ZFP90: variants seen among roughly 807,000 people sequenced by gnomAD.
ZFP90 encodes the protein zinc finger protein 90 homolog.
In ZFP90, 38 loss-of-function variants were observed where a neutral mutation model predicts 60.8. The ratio of observed to expected loss-of-function variants is 0.62; its 90% CI spans 0.48 to 0.82. The LOEUF is 0.82. Ranked by LOEUF, ZFP90 falls within the 40% of genes least tolerant of loss-of-function variation. The pLI is 0.00. For synonymous variants in ZFP90, 287 were observed against 264.8 expected, an observed-to-expected ratio of 1.08 and a Z score of -0.82; for missense variants, 711 against 759.1, an observed-to-expected ratio of 0.94 and a Z score of 0.74.
At chr16:68,575,535 C>CAAAAAAAAAAAAAA (rs34872149) in intron 2 of ZFP90, among the ~76,000 whole-genome samples, 1 of 82,398 alleles carries the variant, frequency 1.2e-5, no homozygotes, top group African/African-American at 4.0e-5. Context: ...TGTGAGTATG[C>CAAAAAAAAAAAAAA]AAAAAAAAAA....
At chr16:68,538,137 C>G (rs895292337), upstream of ZFP90, among the ~76,000 whole-genome samples, 28 of 152,074 alleles carry the variant, frequency 1.8e-4, no homozygotes, top group African/African-American at 5.3e-4. Flanking sequence ...GTCTCGAACT[C>G]CTGACCTCAG....
chr16:68,540,165 A>G (rs2091015818), intron 2 of ZFP90, among the ~76,000 whole-genome samples: 1 of 152,026 alleles, frequency 6.6e-6, no homozygotes, highest in Admixed American at 6.6e-5. Context: ...AGGATGGAAC[A>G]CTGTAGAGGA....
intron 2 of ZFP90, chr16:68,574,157 T>C (rs1353065967): frequency 7.7e-6 from 1 of 129,550 alleles, no homozygotes; most frequent in African/African-American, 3.0e-5. Flanking sequence ...CTGGACAAAG[T>C]GCGGATAAGT....
chr16:68,553,690 C>T (rs2091296927), intron 2 of ZFP90, among the ~76,000 whole-genome samples: 1 of 152,174 alleles, frequency 6.6e-6, no homozygotes, highest in South Asian at 2.1e-4. Context: ...GTCATCGTGG[C>T]TCACTGTAGC....
At chr16:68,541,634 TTC>T (rs1323090167) in intron 2 of ZFP90, among the ~76,000 whole-genome samples, 1 of 152,136 alleles carries the variant, frequency 6.6e-6, no homozygotes, top group Admixed American at 6.5e-5. Flanking sequence ...TATTATATGT[TTC>T]TGTTTTTACA....
At chr16:68,559,473 A>G (rs2091401390) in intron 4 of ZFP90, among the ~76,000 whole-genome samples, 1 of 152,072 alleles carries the variant, frequency 6.6e-6, no homozygotes, top group South Asian at 2.1e-4. Context: ...ATTTCAACCC[A>G]GGTTGTTTTC....
intron 2 of ZFP90, among the ~76,000 whole-genome samples, chr16:68,548,474 C>CTTTTTTTTTTTTTT (rs551779570): frequency 1.2e-5 from 1 of 81,046 alleles, no homozygotes; most frequent in Non-Finnish European, 2.1e-5. Flanking sequence ...GTTTATCCTC[C>CTTTTTTTTTTTTTT]TTTTTTTTTT....
At chr16:68,546,919 A>G (rs1306147614) in intron 2 of ZFP90, among the ~76,000 whole-genome samples, 3 of 152,240 alleles carry the variant, frequency 2.0e-5, no homozygotes, top group Non-Finnish European at 4.4e-5. Context: ...TAAAGGCTGA[A>G]TACAGTGCTT....
At chr16:68,559,387 A>G (rs966915201) in intron 4 of ZFP90, among the ~76,000 whole-genome samples, 1 of 152,008 alleles carries the variant, frequency 6.6e-6, no homozygotes, top group African/African-American at 2.4e-5. Flanking sequence ...CCTATTTCTC[A>G]TTTCTACCCT....
At chr16:68,559,941 T>G (rs1645937) in intron 4 of ZFP90, among the ~76,000 whole-genome samples, 88,270 of 151,762 alleles carry the variant, frequency 0.58, 26,200 homozygotes, top group East Asian at 0.82. Flanking sequence ...CTATCACAGC[T>G]CCCTGCAGCC....
chr16:68,573,978 G>A (rs2091580545), intron 2 of ZFP90: 1 of 141,776 alleles, frequency 7.1e-6, no homozygotes, highest in South Asian at 2.5e-4. Flanking sequence ...GTACAAGCTT[G>A]GCTGCGTGCC....
chr16:68,558,212 CTG>C (rs759986479), intron 3 of ZFP90, 88 bp downstream of exon 3: 42 of 1,571,376 alleles, frequency 2.7e-5, no homozygotes, highest in Non-Finnish European at 3.3e-5. Flanking sequence ...GCTTAGGTAA[CTG>C]TGACCAGGGT....
upstream of ZFP90, among the ~76,000 whole-genome samples, chr16:68,538,536 T>C (rs1873121557): frequency 6.6e-6 from 1 of 151,990 alleles, no homozygotes; most frequent in Non-Finnish European, 1.5e-5. Flanking sequence ...AACCTGTCTC[T>C]ACTAAATATA....
chr16:68,568,613 A>G (rs1474794548), downstream of ZFP90, among the ~76,000 whole-genome samples: 1 of 152,232 alleles, frequency 6.6e-6, no homozygotes, highest in African/African-American at 2.4e-5. Flanking sequence ...TTATTGAGGC[A>G]GTGTTTTAAA....
chr16:68,576,274 C>T (rs189517892), downstream of ZFP90, among the ~76,000 whole-genome samples: 1 of 152,256 alleles, frequency 6.6e-6, no homozygotes, highest in Admixed American at 6.5e-5. Context: ...CAAGACTTAT[C>T]TTTATTTGAC....
At chr16:68,558,181 G>A in intron 3 of ZFP90, 57 bp downstream of exon 3, 1 of 1,599,462 alleles carries the variant, frequency 6.3e-7, no homozygotes, top group Admixed American at 1.7e-5. Context: ...TTCCTTGGTT[G>A]CTATAGTGGT....
At chr16:68,536,837 T>A (rs574073282), upstream of ZFP90, among the ~76,000 whole-genome samples, 39 of 152,164 alleles carry the variant, frequency 2.6e-4, no homozygotes, top group African/African-American at 3.9e-4. Flanking sequence ...CCTCTTATTC[T>A]CTCATAGTAA....
chr16:68,548,368 C>G (rs1268171923), intron 2 of ZFP90, among the ~76,000 whole-genome samples: 4 of 148,248 alleles, frequency 2.7e-5, no homozygotes, highest in Non-Finnish European at 5.9e-5. Context: ...AAGGTTTCTG[C>G]TTTTTTGTGT....
intron 2 of ZFP90, among the ~76,000 whole-genome samples, chr16:68,543,060 A>AT (rs2091080500): frequency 6.6e-6 from 1 of 152,126 alleles, no homozygotes; most frequent in South Asian, 2.1e-4. Flanking sequence ...TCGGGGTGCA[A>AT]TTTAAAATGA....
Sources: allele counts gnomAD v4.1 joint callset (sites outside exome capture counted in the v4.1 genomes callset), GRCh38; gene constraint gnomAD v4.1.1; transcripts MANE v1.5; gene names NCBI Gene and HGNC (gene_info 2026-07-23, HGNC 2026-07-21).